Variants in GLIS3 observed in about 807,000 individuals in gnomAD.
The protein encoded by GLIS3 is zinc finger protein GLIS3.
A neutral mutation model predicts 78.6 loss-of-function variants in GLIS3; 53 were observed. The ratio of observed to expected loss-of-function variants is 0.67; its 90% CI spans 0.54 to 0.85. The LOEUF (loss-of-function observed/expected upper bound fraction) is 0.85. Ranked by LOEUF, GLIS3 falls within the 40% of genes least tolerant of loss-of-function variation. The pLI is 0.00. For synonymous variants in GLIS3, 684 were observed against 509.9 expected (o/e 1.34, Z -4.60); for missense variants, 1,703 against 1,231.1 (o/e 1.38, Z -5.74).
chr9:3,864,999 A>C, intron 8 of GLIS3, among the ~76,000 whole-genome samples: 1 of 152,092 alleles, frequency 6.6e-6, no homozygotes, highest in Non-Finnish European at 1.5e-5. Context: ...TAGATGATAC[A>C]TTTGCCCACT....
chr9:4,048,796 T>G (rs752731666), intron 4 of GLIS3, among the ~76,000 whole-genome samples: 3 of 152,190 alleles, frequency 2.0e-5, no homozygotes, highest in African/African-American at 7.2e-5. Flanking sequence ...ATGCACCTGT[T>G]AGGATTCCTG....
chr9:4,393,920 T>C, the GLIS3 span, among the ~76,000 whole-genome samples: 1 of 152,174 alleles, frequency 6.6e-6, no homozygotes, highest in Non-Finnish European at 1.5e-5. Flanking sequence ...TTCTATGACC[T>C]TTATGACCCA....
chr9:4,345,321 A>G (rs1817884135), intron 2 of GLIS3, among the ~76,000 whole-genome samples: 1 of 152,088 alleles, frequency 6.6e-6, no homozygotes, highest in Non-Finnish European at 1.5e-5. Flanking sequence ...GCCTTCTATA[A>G]TGACCCCACT....
intron 4 of GLIS3, among the ~76,000 whole-genome samples, chr9:4,005,799 A>AC (rs1656884069): frequency 6.6e-6 from 1 of 152,250 alleles, no homozygotes; most frequent in Non-Finnish European, 1.5e-5. Context: ...CATCAAAGAT[A>AC]CTTAAATTAT....
chr9:4,468,796 T>C, the GLIS3 span, among the ~76,000 whole-genome samples: 1,198 of 152,234 alleles, frequency 7.9e-3, 11 homozygotes, highest in African/African-American at 0.028. Context: ...ATATTAACCT[T>C]AAATGTAAAT....
chr9:4,414,216 C>T, the GLIS3 span, among the ~76,000 whole-genome samples: 8 of 152,058 alleles, frequency 5.3e-5, no homozygotes, highest in African/African-American at 1.7e-4. Context: ...CAGCCCAGTT[C>T]AGAAAAATGT....
At chr9:3,879,708 G>A in intron 7 of GLIS3, 113 bp from the exon 8 acceptor site, 1 of 1,122,948 alleles carries the variant, frequency 8.9e-7, no homozygotes, top group Non-Finnish European at 1.3e-6. Context: ...TTTTCTCTCA[G>A]TGGTTTTCAG....
At chr9:4,041,329 C>A (rs1394033852) in intron 4 of GLIS3, among the ~76,000 whole-genome samples, 1 of 152,192 alleles carries the variant, frequency 6.6e-6, no homozygotes, top group Non-Finnish European at 1.5e-5. Flanking sequence ...TCCTACAGTG[C>A]ACAGAACAGC....
intron 2 of GLIS3, among the ~76,000 whole-genome samples, chr9:4,140,210 G>T (rs1237182755): frequency 6.6e-6 from 1 of 152,112 alleles, no homozygotes; most frequent in Non-Finnish European, 1.5e-5. Flanking sequence ...TATAATCCCA[G>T]CTACTTGTGG....
intron 6 of GLIS3, among the ~76,000 whole-genome samples, chr9:3,909,616 C>A (rs147040456): frequency 2.6e-5 from 4 of 152,094 alleles, no homozygotes; most frequent in African/African-American, 9.7e-5. Context: ...CTCCAAAATA[C>A]GTGAATGGGT....
intron 2 of GLIS3, among the ~76,000 whole-genome samples, chr9:4,232,454 G>C (rs1430209531): frequency 6.6e-6 from 1 of 150,818 alleles, no homozygotes; most frequent in Non-Finnish European, 1.5e-5. Flanking sequence ...CCTACCTTTA[G>C]CACAACACTT....
intron 3 of GLIS3, among the ~76,000 whole-genome samples, chr9:4,124,018 T>G (rs897461250): frequency 7.9e-5 from 12 of 152,198 alleles, no homozygotes; most frequent in Admixed American, 7.9e-4. Flanking sequence ...TCTCTTTATC[T>G]CCAGTAAAAT....
chr9:4,413,408 T>C, the GLIS3 span, among the ~76,000 whole-genome samples: 1 of 152,190 alleles, frequency 6.6e-6, no homozygotes, highest in Non-Finnish European at 1.5e-5. Context: ...TAATCCCTGT[T>C]CTAATCAACA....
At chr9:4,487,260 G>A in the GLIS3 span, among the ~76,000 whole-genome samples, 2 of 152,208 alleles carry the variant, frequency 1.3e-5, no homozygotes, top group Admixed American at 1.3e-4. Context: ...TTAATGACAG[G>A]CAGGTGTTAA....
chr9:4,048,431 C>A (rs1825431471), intron 4 of GLIS3, among the ~76,000 whole-genome samples: 1 of 152,008 alleles, frequency 6.6e-6, no homozygotes, highest in South Asian at 2.1e-4. Flanking sequence ...ATGGGGCTAT[C>A]ATATAGCCAT....
intron 2 of GLIS3, among the ~76,000 whole-genome samples, chr9:4,259,244 CATTTA>C (rs1461448084): frequency 1.3e-5 from 2 of 151,348 alleles, no homozygotes; most frequent in African/African-American, 4.9e-5. Context: ...TTGCTCATTT[CATTTA>C]TTTATTTATT....
At chr9:4,099,914 C>T (rs1295888255) in intron 4 of GLIS3, among the ~76,000 whole-genome samples, 2 of 152,138 alleles carry the variant, frequency 1.3e-5, no homozygotes, top group African/African-American at 2.4e-5. Flanking sequence ...ATAAAGACTT[C>T]GTCATCTGTT....
intron 4 of GLIS3, among the ~76,000 whole-genome samples, chr9:4,033,886 A>AAAAAC (rs1824083583): frequency 6.7e-6 from 1 of 149,600 alleles, no homozygotes; most frequent in African/African-American, 2.5e-5. Flanking sequence ...AAAAAAAAAA[A>AAAAAC]AAAACTAGAA....
intron 4 of GLIS3, among the ~76,000 whole-genome samples, chr9:3,976,776 G>C (rs1818825384): frequency 2.1e-5 from 2 of 94,322 alleles, no homozygotes; most frequent in Non-Finnish European, 3.9e-5. Context: ...TGGCATGGGA[G>C]ACAGAAATCC....
Sources: allele counts gnomAD v4.1 joint callset (sites outside exome capture counted in the v4.1 genomes callset), GRCh38; gene constraint gnomAD v4.1.1; transcripts MANE v1.5; gene names NCBI Gene and HGNC (gene_info 2026-07-23, HGNC 2026-07-21).